The following MYO16 variants were observed in gnomAD, a reference collection of about 807,000 sequenced individuals.
MYO16 encodes myosin XVI.
A neutral mutation model predicts 205.3 loss-of-function variants in MYO16; 94 were observed. The ratio of observed to expected loss-of-function variants is 0.46; its 90% confidence interval spans 0.39 to 0.54. MYO16 has a LOEUF of 0.54. MYO16 is among the 20% of genes least tolerant of loss of function. The pLI, the probability that MYO16 is intolerant of heterozygous loss-of-function variation, is 0.00. For synonymous variants in MYO16, 988 were observed against 954.0 expected (o/e 1.04, Z -0.66); for missense variants, 2,315 against 2,387.5 (o/e 0.97, Z 0.63).
intron 4 of MYO16, among the ~76,000 whole-genome samples, chr13:108,745,915 C>T (rs984335559): frequency 7.2e-5 from 11 of 152,082 alleles, no homozygotes; most frequent in East Asian, 3.9e-4. Context: ...CAGCCGGGCG[C>T]GGTGGCTCAC....
chr13:108,516,255 C>A, the MYO16 span, among the ~76,000 whole-genome samples: 2 of 151,604 alleles, frequency 1.3e-5, no homozygotes, highest in Non-Finnish European at 2.9e-5. Context: ...GCGTCCGTCA[C>A]CCCTTTCTTT....
At chr13:108,757,490 T>TTA (rs1555344535) in intron 4 of MYO16, among the ~76,000 whole-genome samples, 2,697 of 151,792 alleles carry the variant, frequency 0.018, 74 homozygotes, top group African/African-American at 0.062. Context: ...GGGTTTTTTT[T>TTA]AATTATACTT....
intron 32 of MYO16, among the ~76,000 whole-genome samples, chr13:109,154,117 T>C (rs1390977602): frequency 1.3e-5 from 2 of 152,222 alleles, no homozygotes; most frequent in African/African-American, 4.8e-5. Context: ...AATTTGAATC[T>C]CCATAGATAT....
intron 11 of MYO16, among the ~76,000 whole-genome samples, chr13:108,864,507 T>TTTAA (rs1878608767): frequency 6.6e-6 from 1 of 152,114 alleles, no homozygotes; most frequent in African/African-American, 2.4e-5. Context: ...GGATACAACA[T>TTTAA]GAGTTTTGTT....
chr13:108,993,119 T>A (rs1160583252), intron 21 of MYO16, among the ~76,000 whole-genome samples: 1 of 152,066 alleles, frequency 6.6e-6, no homozygotes, highest in Non-Finnish European at 1.5e-5. Flanking sequence ...CCAAGCTACA[T>A]TATAGTACGG....
rs575059917 is a variant in MYO16 at position 108,810,928 on chromosome 13, T to C, written c.867+4124T>C. Among the ~76,000 whole-genome samples the C allele has an allele frequency of 5.3e-5, 8 of 152,328 alleles. No individual in the cohort carries two copies. The South Asian group carries it at 6.2e-4, about 12-fold the overall frequency. Reference sequence around the variant, plus strand: ...TTTATAAATATATTAACTTTTGCAATGGAAAACAAAAGAGATGCTTGTTCT... The same window carrying C: ...TTTATAAATATATTAACTTTTGCAACGGAAAACAAAAGAGATGCTTGTTCT... On this transcript the variant is annotated intron_variant, in intron 7 of 34. Coordinates refer to ENST00000457511, the MANE Select transcript of MYO16 (RefSeq NM_001198950.3).
At chr13:108,972,041 CA>C (rs1227102660) in intron 20 of MYO16, among the ~76,000 whole-genome samples, 3 of 148,790 alleles carry the variant, frequency 2.0e-5, no homozygotes, top group African/African-American at 5.0e-5. Context: ...CCCCACCCCC[CA>C]AAAAAATACA....
At chr13:108,882,410 A>G (rs1225529198) in intron 12 of MYO16, among the ~76,000 whole-genome samples, 3 of 152,314 alleles carry the variant, frequency 2.0e-5, no homozygotes, top group African/African-American at 7.2e-5. Context: ...TGACCTTGAC[A>G]TCTTTGAAGA....
At chr13:108,660,685 T>C (rs1048680745) in intron 1 of MYO16, among the ~76,000 whole-genome samples, 1 of 152,238 alleles carries the variant, frequency 6.6e-6, no homozygotes, top group African/African-American at 2.4e-5. Context: ...TAGGTGAGTC[T>C]CTTGAAGGCA....
At chr13:109,156,825 G>A (rs1159348986) in intron 32 of MYO16, among the ~76,000 whole-genome samples, 1 of 152,096 alleles carries the variant, frequency 6.6e-6, no homozygotes, top group Non-Finnish European at 1.5e-5. Context: ...GCAGTCACCT[G>A]GGCGTCCCCT....
At chr13:108,632,078 CAAAAAAAAAAA>C (rs59971095) in intron 1 of MYO16, among the ~76,000 whole-genome samples, 1 of 67,256 alleles carries the variant, frequency 1.5e-5, no homozygotes, top group African/African-American at 6.1e-5. Context: ...AACCCCAACT[CAAAAAAAAAAA>C]AAAAAAAAAA....
At position 108,981,492 on chromosome 13, in the gene MYO16, A is replaced by C. The variant is rs529089446; in HGVS notation, c.2370-10884A>C. The stretch of plus-strand genomic sequence containing the variant: ...CTGGCCTTGTGACTTGCTTTAGCCA[A>C]CAGAATACAACTGCAATGATGGTGT... On this transcript the variant is annotated intron_variant, in intron 20 of 34. Transcript: ENST00000457511. 3.2e-4 allele frequency among the ~76,000 whole-genome samples: 49 copies of C among 152,328 alleles called. 1 individual carries two copies. The highest frequency in any genetic ancestry group is 2.5e-3 in the South Asian group (12 of 4,830).
At chr13:108,677,341 A>G (rs1258507735) in intron 2 of MYO16, among the ~76,000 whole-genome samples, 47 of 99,918 alleles carry the variant, frequency 4.7e-4, no homozygotes, top group African/African-American at 1.6e-3. Context: ...GTGTGTATAT[A>G]TATATATATA....
At chr13:109,195,532 T>C (rs1388337082) in intron 34 of MYO16, among the ~76,000 whole-genome samples, 3 of 152,172 alleles carry the variant, frequency 2.0e-5, no homozygotes, top group Non-Finnish European at 4.4e-5. Context: ...ACTCTGTTTT[T>C]TCAAATTTCA....
intron 6 of MYO16, among the ~76,000 whole-genome samples, chr13:108,804,651 T>C (rs1411547249): frequency 6.6e-6 from 1 of 152,212 alleles, no homozygotes; most frequent in African/African-American, 2.4e-5. Context: ...TCTTAACTCC[T>C]GCTATTGTAT....
At chr13:108,721,532 A>G (rs1010845096) in intron 3 of MYO16, among the ~76,000 whole-genome samples, 1 of 152,176 alleles carries the variant, frequency 6.6e-6, no homozygotes, top group African/African-American at 2.4e-5. Context: ...GATATCATTA[A>G]TGCTTCCTCT....
At chr13:108,566,735 GAGGAAGGAAGGAAGGAAGGAAGGA>G in the MYO16 span, among the ~76,000 whole-genome samples, 792 of 134,224 alleles carry the variant, frequency 5.9e-3, 8 homozygotes, top group African/African-American at 0.021. Flanking sequence ...GGAAGGAAGG[GAGGAAGGAAGGAAGGAAGGAAGGA>G]AGGAAGGAAG....
chr13:109,100,771 G>A lies in MYO16; in HGVS notation c.3336-14G>A, dbSNP rs1340747734. On this transcript the variant is annotated splice_polypyrimidine_tract_variant and intron_variant, in intron 27 of 34. Coordinates refer to ENST00000457511, the MANE Select transcript of MYO16 (RefSeq NM_001198950.3). ...AATGCAGTCATTGCTTTCTGTCTCT[G>A]CTGCTTTTCACAGGTATAAGCCACT... The A allele has an allele frequency of 1.3e-6, 2 of 1,592,474 alleles. No individual in the cohort carries two copies. Among genetic ancestry groups the A allele is most frequent in the Non-Finnish European group, 1.7e-6 (2 of 1,161,634 alleles).
In MYO16 at chr13:108,690,860, G is replaced by T. The variant is rs140813179; in HGVS notation, c.293-21801G>T. On this transcript the variant is annotated intron_variant, in intron 2 of 34. Coordinates refer to ENST00000457511, the MANE Select transcript of MYO16 (RefSeq NM_001198950.3). ...AGCCCCACAAGACACATTCCAAAAG[G>T]TATGAAATTTGTGGAGGTGGCGGGT... is the stretch of plus-strand genomic sequence containing the variant. Among the ~76,000 whole-genome samples the T allele has an allele frequency of 3.6e-4, 55 of 152,182 alleles. No homozygotes were observed. In the East Asian group the frequency reaches 0.01, roughly 28 times the overall value.
Sources: allele counts gnomAD v4.1 joint callset (sites outside exome capture counted in the v4.1 genomes callset), GRCh38; gene constraint gnomAD v4.1.1; transcripts MANE v1.5; gene names NCBI Gene and HGNC (gene_info 2026-07-23, HGNC 2026-07-21).